The following MALRD1 variants were observed in gnomAD, a reference collection of about 807,000 sequenced individuals.
MALRD1 encodes the protein MAM and LDL receptor class A domain containing 1.
In MALRD1, 247 loss-of-function variants were observed where a neutral mutation model predicts 242.1. The observed-to-expected ratio is 1.02, with a 90% confidence interval of 0.92 to 1.13. MALRD1 has a LOEUF of 1.13. MALRD1 is among the 50% of genes most tolerant of loss of function. The pLI, the probability that MALRD1 is intolerant of heterozygous loss-of-function variation, is 0.00. For synonymous variants in MALRD1, 995 were observed against 866.6 expected, an observed-to-expected ratio of 1.15 and a Z score of -2.60; for missense variants, 2,989 against 2,533.1, an observed-to-expected ratio of 1.18 and a Z score of -3.86.
chr10:19,530,017 A>T (rs999762816), intron 31 of MALRD1, among the ~76,000 whole-genome samples: 2 of 151,960 alleles, frequency 1.3e-5, no homozygotes, highest in African/African-American at 4.8e-5. Context: ...TCCAATCCCA[A>T]GTTATTTTGT....
At chr10:19,615,516 C>CAAAAAAAAAAAA (rs530920512) in intron 35 of MALRD1, among the ~76,000 whole-genome samples, 5,641 of 36,284 alleles carry the variant, frequency 0.16, 816 homozygotes, top group South Asian at 0.18. Context: ...GACCCTGCCT[C>CAAAAAAAAAAAA]AAAAAAAAAA....
In MALRD1 at chr10:19,356,135, G is replaced by A. The variant is rs138480622; in HGVS notation, c.4441+3838G>A. Among the ~76,000 whole-genome samples the A allele has an allele frequency of 3.5e-3, 527 of 151,550 alleles. 4 individuals carry two copies. The highest frequency in any genetic ancestry group is 0.012 in the African/African-American group (508 of 41,362). On this transcript the variant is annotated intron_variant, in intron 26 of 39. Coordinates refer to ENST00000454679, the MANE Select transcript of MALRD1 (RefSeq NM_001142308.3). ...ACCAACTACCACTACAGTAGTTACA[G>A]GACATCTTTCTTGGTGAGATATATT...
chr10:19,558,583 C>T (rs1213741382), intron 32 of MALRD1, among the ~76,000 whole-genome samples: 2 of 152,116 alleles, frequency 1.3e-5, no homozygotes, highest in Admixed American at 6.5e-5. Flanking sequence ...TGGAATAAAT[C>T]CTACCAGATC....
chr10:19,463,908 T>C (rs191718248), intron 29 of MALRD1, among the ~76,000 whole-genome samples: 13 of 152,286 alleles, frequency 8.5e-5, no homozygotes, highest in Admixed American at 1.3e-4. Context: ...TTATGGCCAT[T>C]CTTGCAGTAG....
At chr10:19,240,313 G>C (rs1042988337) in intron 18 of MALRD1, among the ~76,000 whole-genome samples, 8 of 151,886 alleles carry the variant, frequency 5.3e-5, no homozygotes, top group African/African-American at 1.9e-4. Flanking sequence ...AAACACCACT[G>C]AATTTTCTGT....
intron 13 of MALRD1, among the ~76,000 whole-genome samples, chr10:19,170,092 C>T (rs1367842456): frequency 3.9e-5 from 6 of 152,312 alleles, no homozygotes; most frequent in African/African-American, 1.4e-4. Context: ...GGCATTTGCT[C>T]TTCCTGCTGG....
At chr10:19,171,840 A>G (rs1191340103) in intron 13 of MALRD1, among the ~76,000 whole-genome samples, 4 of 144,936 alleles carry the variant, frequency 2.8e-5, no homozygotes, top group Non-Finnish European at 6.0e-5. Context: ...ATATATACAC[A>G]TATATACACA....
intron 29 of MALRD1, among the ~76,000 whole-genome samples, chr10:19,489,818 G>T (rs1837403283): frequency 6.6e-6 from 1 of 152,228 alleles, no homozygotes; most frequent in Non-Finnish European, 1.5e-5. Flanking sequence ...TAGTAGAATT[G>T]TTTCCTAAAG....
chr10:19,663,508 T>A (rs1352077844), intron 36 of MALRD1, among the ~76,000 whole-genome samples: 1 of 152,142 alleles, frequency 6.6e-6, no homozygotes, highest in Non-Finnish European at 1.5e-5. Flanking sequence ...TGTCTTTTTT[T>A]AATGTAATGG....
intron 14 of MALRD1, among the ~76,000 whole-genome samples, chr10:19,182,267 T>C (rs1835539463): frequency 6.6e-6 from 1 of 151,906 alleles, no homozygotes; most frequent in African/African-American, 2.4e-5. Flanking sequence ...TTTCTTGTCA[T>C]TTAGTTTCTT....
intron 36 of MALRD1, among the ~76,000 whole-genome samples, chr10:19,650,407 C>T (rs1840817879): frequency 6.6e-6 from 1 of 152,006 alleles, no homozygotes; most frequent in African/African-American, 2.4e-5. Context: ...AAAATGGAAA[C>T]GTGCATCTAT....
chr10:19,373,126 C>A (rs1430948626), intron 26 of MALRD1, among the ~76,000 whole-genome samples: 1 of 131,640 alleles, frequency 7.6e-6, no homozygotes, highest in African/African-American at 3.0e-5. Context: ...TTTCAGTAGA[C>A]AAAGCAGAAA....
intron 32 of MALRD1, among the ~76,000 whole-genome samples, chr10:19,563,804 C>T (rs950687809): frequency 1.3e-5 from 2 of 152,150 alleles, no homozygotes; most frequent in Non-Finnish European, 2.9e-5. Flanking sequence ...GGTTGGATGT[C>T]CCCTCCAAAT....
intron 32 of MALRD1, among the ~76,000 whole-genome samples, chr10:19,558,757 T>C (rs1350585492): frequency 6.6e-6 from 1 of 152,188 alleles, no homozygotes; most frequent in African/African-American, 2.4e-5. Context: ...TTATTAATAA[T>C]TGATTGAATT....
intron 26 of MALRD1, among the ~76,000 whole-genome samples, chr10:19,376,830 C>G (rs73593893): frequency 1.3e-5 from 2 of 152,028 alleles, no homozygotes; most frequent in East Asian, 3.9e-4. Context: ...CTGACCACCT[C>G]GGCCTCCCTG....
At chr10:19,614,039 T>A (rs1231409496) in intron 35 of MALRD1, among the ~76,000 whole-genome samples, 1 of 152,082 alleles carries the variant, frequency 6.6e-6, no homozygotes, top group African/African-American at 2.4e-5. Context: ...ACTCACATTT[T>A]TTTTTCATCT....
At position 19,666,014 on chromosome 10, in the gene MALRD1, A is replaced by G. The variant is rs547444801; in HGVS notation, c.6138-26268A>G. ...AGTCAAATGGTCGGAATTCAAACGC[A>G]GGAGGGAGATAGGTGTCCTCTTCAT... On this transcript the variant is annotated intron_variant, in intron 36 of 39. Coordinates refer to ENST00000454679, the MANE Select transcript of MALRD1 (RefSeq NM_001142308.3). Among the ~76,000 whole-genome samples the G allele has an allele frequency of 2.2e-3, 329 of 152,178 alleles. 4 individuals carry two copies. The highest frequency in any genetic ancestry group is 7.3e-3 in the African/African-American group (302 of 41,506).
chr10:19,147,440 G>T (rs1428115361), intron 11 of MALRD1, among the ~76,000 whole-genome samples: 1 of 152,128 alleles, frequency 6.6e-6, no homozygotes, highest in Non-Finnish European at 1.5e-5. Flanking sequence ...TTTGTGCCAT[G>T]ACTCATTTCT....
intron 26 of MALRD1, among the ~76,000 whole-genome samples, chr10:19,369,711 TAC>T (rs111861411): frequency 0.043 from 6,411 of 149,352 alleles, 222 homozygotes; most frequent in African/African-American, 0.098. Context: ...TATATATAAG[TAC>T]ACACACACAC....
Sources: allele counts gnomAD v4.1 joint callset (sites outside exome capture counted in the v4.1 genomes callset), GRCh38; gene constraint gnomAD v4.1.1; transcripts MANE v1.5; gene names NCBI Gene and HGNC (gene_info 2026-07-23, HGNC 2026-07-21).